The following C11orf65 variants were observed in gnomAD, a reference collection of about 807,000 sequenced individuals.
The protein encoded by C11orf65 is chromosome 11 open reading frame 65.
Under a neutral mutation model 35.3 loss-of-function variants are expected in C11orf65, and 38 were observed. The ratio of observed to expected loss-of-function variants is 1.08; its 90% CI spans 0.83 to 1.41. The LOEUF is 1.41. Among genes scored for constraint, C11orf65 ranks in the 40% most tolerant of loss-of-function variants. The pLI, the probability that C11orf65 is intolerant of heterozygous loss-of-function variation, is 0.00. For missense variants in C11orf65, 370 were observed against 367.1 expected, an observed-to-expected ratio of 1.01 and a Z score of -0.06; for synonymous variants, 105 against 114.4, an observed-to-expected ratio of 0.92 and a Z score of 0.53.
downstream of C11orf65, chr11:108,329,067 T>C: frequency 6.2e-7 from 1 of 1,614,100 alleles, no homozygotes; most frequent in Non-Finnish European, 8.5e-7. Context: ...AGTGATGAGC[T>C]AAGAAATGGA....
intron 6 of C11orf65, among the ~76,000 whole-genome samples, chr11:108,394,161 C>A (rs1362991955): frequency 2.5e-5 from 3 of 119,000 alleles, no homozygotes; most frequent in Non-Finnish European, 4.9e-5. Context: ...GCCTGGGCGA[C>A]AGAGCAAGAC....
chr11:108,421,758 G>C (rs1429933046), intron 3 of C11orf65, among the ~76,000 whole-genome samples: 1 of 152,092 alleles, frequency 6.6e-6, no homozygotes, highest in African/African-American at 2.4e-5. Flanking sequence ...CAGGAATAGG[G>C]GCCTTTGTTT....
In C11orf65 at chr11:108,457,634, C is replaced by T. The variant is rs995790875; in HGVS notation, c.81+3845G>A. ...TTCCAGCCTGGGCAACAGAGCAAGA[C>T]TCCATCTCAAAAAAAGAAAGTTAAA... is the stretch of plus-strand genomic sequence containing the variant. On this transcript the variant is annotated intron_variant, in intron 2 of 8. Coordinates refer to ENST00000393084, the MANE Select transcript of C11orf65 (RefSeq NM_152587.5). Among the ~76,000 whole-genome samples, 112 of 152,180 alleles carry T rather than the reference C, an allele frequency of 7.4e-4. 1 individual carries two copies. The highest frequency in any genetic ancestry group is 7.3e-3 in the Admixed American group (111 of 15,276).
intron 3 of C11orf65, among the ~76,000 whole-genome samples, chr11:108,409,548 T>A (rs946471415): frequency 6.6e-6 from 1 of 152,152 alleles, no homozygotes; most frequent in Non-Finnish European, 1.5e-5. Flanking sequence ...GGTATGATGC[T>A]CTTGTCGTGA....
intron 2 of C11orf65, among the ~76,000 whole-genome samples, chr11:108,373,773 A>C (rs1015277932): frequency 6.6e-6 from 1 of 152,208 alleles, no homozygotes; most frequent in Non-Finnish European, 1.5e-5. Flanking sequence ...TTTCCTGGTC[A>C]AGGAAAGGGG....
intron 6 of C11orf65, among the ~76,000 whole-genome samples, chr11:108,397,122 G>C (rs889020920): frequency 2.0e-5 from 3 of 151,434 alleles, no homozygotes; most frequent in Non-Finnish European, 4.4e-5. Flanking sequence ...GGAGTTTGAG[G>C]CTGGCCTGGC....
chr11:108,397,196 C>CTA (rs1236179668), intron 6 of C11orf65, among the ~76,000 whole-genome samples: 2 of 151,646 alleles, frequency 1.3e-5, no homozygotes, highest in Non-Finnish European at 2.9e-5. Flanking sequence ...TGGCATGTAG[C>CTA]TATAGTCCCA....
intron 2 of C11orf65, among the ~76,000 whole-genome samples, chr11:108,348,243 T>C (rs1164285689): frequency 1.3e-5 from 2 of 151,612 alleles, no homozygotes; most frequent in Non-Finnish European, 2.9e-5. Context: ...GACAGTTTAA[T>C]ATAAAAGAAA....
intron 2 of C11orf65, among the ~76,000 whole-genome samples, chr11:108,349,688 C>G (rs1349070653): frequency 6.6e-6 from 1 of 152,008 alleles, no homozygotes; most frequent in Non-Finnish European, 1.5e-5. Flanking sequence ...AATCTTCCTA[C>G]AAGAAGTTTA....
At chr11:108,417,776 G>A (rs548309218) in intron 3 of C11orf65, among the ~76,000 whole-genome samples, 1 of 152,110 alleles carries the variant, frequency 6.6e-6, no homozygotes, top group Admixed American at 6.5e-5. Flanking sequence ...AGCAGGTGGC[G>A]GGCTAGGGGA....
downstream of C11orf65, among the ~76,000 whole-genome samples, chr11:108,379,196 T>C (rs529879191): frequency 6.5e-4 from 99 of 152,296 alleles, no homozygotes; most frequent in African/African-American, 2.2e-3. Context: ...ATTGCCGCAC[T>C]ATTCACAATA....
intron 1 of C11orf65, among the ~76,000 whole-genome samples, chr11:108,466,818 G>A (rs969450526): frequency 1.3e-5 from 2 of 152,190 alleles, no homozygotes; most frequent in African/African-American, 4.8e-5. Flanking sequence ...CACTTTTAAA[G>A]CAGCAAACAA....
chr11:108,443,863 A>G (rs2093203959), intron 2 of C11orf65, among the ~76,000 whole-genome samples: 1 of 152,216 alleles, frequency 6.6e-6, no homozygotes, highest in Admixed American at 6.5e-5. Flanking sequence ...CACCAGAGAA[A>G]GCAGGAAAGA....
intron 2 of C11orf65, among the ~76,000 whole-genome samples, chr11:108,375,598 T>C (rs1172944198): frequency 6.6e-6 from 1 of 152,096 alleles, no homozygotes; most frequent in East Asian, 1.9e-4. Flanking sequence ...AATAACCAGC[T>C]AACATCATAA....
chr11:108,405,174 G>A (rs1307284143), intron 6 of C11orf65, among the ~76,000 whole-genome samples: 1 of 152,236 alleles, frequency 6.6e-6, no homozygotes. Flanking sequence ...GAATAAATAT[G>A]AGTCTCCCTA....
At chr11:108,351,286 T>G (rs1241051876) in intron 2 of C11orf65, among the ~76,000 whole-genome samples, 1 of 152,192 alleles carries the variant, frequency 6.6e-6, no homozygotes, top group Non-Finnish European at 1.5e-5. Context: ...AAAGGGGGCC[T>G]CTGGAATGCT....
intron 2 of C11orf65, among the ~76,000 whole-genome samples, chr11:108,442,368 T>C (rs893615509): frequency 3.9e-5 from 6 of 152,170 alleles, no homozygotes; most frequent in Non-Finnish European, 8.8e-5. Context: ...CTGAAAGTGA[T>C]GTGGAGAATG....
chr11:108,372,043 G>C (rs2091588146), intron 2 of C11orf65, among the ~76,000 whole-genome samples: 1 of 152,172 alleles, frequency 6.6e-6, no homozygotes, highest in South Asian at 2.1e-4. Flanking sequence ...TTCAAAACCT[G>C]ATTCTGTGTA....
chr11:108,404,131 C>T (rs1027617936), intron 6 of C11orf65, among the ~76,000 whole-genome samples: 13 of 152,180 alleles, frequency 8.5e-5, no homozygotes, highest in Admixed American at 7.9e-4. Flanking sequence ...CACCATCCAT[C>T]TATAGATCTA....
Sources: allele counts gnomAD v4.1 joint callset (sites outside exome capture counted in the v4.1 genomes callset), GRCh38; gene constraint gnomAD v4.1.1; transcripts MANE v1.5; gene names NCBI Gene and HGNC (gene_info 2026-07-23, HGNC 2026-07-21).